LHX8: variants seen among roughly 807,000 people sequenced by gnomAD.
LHX8 encodes LIM/homeobox protein Lhx8.
A neutral mutation model predicts 40.3 loss-of-function variants in LHX8; 12 were observed. The ratio of observed to expected loss-of-function variants is 0.30; its 90% CI spans 0.19 to 0.48. LHX8 has a LOEUF of 0.48. LHX8 is among the 20% of genes least tolerant of loss of function. LHX8 has a pLI of 0.99. For missense variants in LHX8, 344 were observed against 433.7 expected (o/e 0.79, Z 1.84); for synonymous variants, 179 against 162.0 (o/e 1.10, Z -0.80).
chr1:75,173,362 A>G, the LHX8 span, among the ~76,000 whole-genome samples: 2 of 147,462 alleles, frequency 1.4e-5, no homozygotes, highest in Non-Finnish European at 3.0e-5. Flanking sequence ...GTTTAGCTTC[A>G]GGATATATAC....
chr1:75,142,979 G>C (rs1331554257), intron 4 of LHX8, 139 bp from the exon 5 acceptor site: 2 of 710,550 alleles, frequency 2.8e-6, no homozygotes, highest in Non-Finnish European at 4.8e-6. Flanking sequence ...AAAAATAATT[G>C]ATTCTTGTTT....
At chr1:75,176,270 T>G in the LHX8 span, among the ~76,000 whole-genome samples, 1 of 152,224 alleles carries the variant, frequency 6.6e-6, no homozygotes. Flanking sequence ...ATGGTTTAAC[T>G]AGTTTACACT....
chr1:75,136,735 G>A (rs1648150578), intron 2 of LHX8, 46 bp downstream of exon 2: 2 of 1,475,138 alleles, frequency 1.4e-6, no homozygotes, highest in Non-Finnish European at 1.8e-6. Context: ...GCCGTGGGGA[G>A]GCGGCGCAGG....
At chr1:75,181,512 G>A in the LHX8 span, among the ~76,000 whole-genome samples, 1 of 152,190 alleles carries the variant, frequency 6.6e-6, no homozygotes, top group East Asian at 1.9e-4. Flanking sequence ...GCCAGGCACG[G>A]GATACAATCT....
the LHX8 span, among the ~76,000 whole-genome samples, chr1:75,168,984 T>C: frequency 6.6e-6 from 1 of 152,200 alleles, no homozygotes; most frequent in Non-Finnish European, 1.5e-5. Context: ...CTAAAATATG[T>C]TCAAAAAGAT....
chr1:75,151,723 G>C (rs1339909140), intron 7 of LHX8, among the ~76,000 whole-genome samples: 1 of 152,208 alleles, frequency 6.6e-6, no homozygotes, highest in East Asian at 1.9e-4. Flanking sequence ...TTAAGACTCT[G>C]TATATTCATA....
the LHX8 span, among the ~76,000 whole-genome samples, chr1:75,198,569 C>T: frequency 4.0e-5 from 6 of 151,456 alleles, no homozygotes; most frequent in Non-Finnish European, 5.9e-5. Context: ...GACAGGGTGA[C>T]GTTGGAAAGC....
chr1:75,150,327 T>C (rs1018950980), intron 7 of LHX8, among the ~76,000 whole-genome samples: 1 of 152,136 alleles, frequency 6.6e-6, no homozygotes, highest in Non-Finnish European at 1.5e-5. Flanking sequence ...GAAAGCTGGA[T>C]TGGAAGTTGG....
intron 6 of LHX8, 71 bp downstream of exon 6, chr1:75,144,019 C>A: frequency 8.7e-7 from 1 of 1,154,314 alleles, no homozygotes. Flanking sequence ...AACCTCCATG[C>A]TGCCCAAAAA....
intron 7 of LHX8, among the ~76,000 whole-genome samples, chr1:75,150,570 C>A (rs1368493505): frequency 6.6e-6 from 1 of 151,656 alleles, no homozygotes; most frequent in Admixed American, 6.6e-5. Flanking sequence ...AGGAAGGAGT[C>A]GGGTGGAGAA....
At chr1:75,189,549 A>G in the LHX8 span, among the ~76,000 whole-genome samples, 2 of 152,222 alleles carry the variant, frequency 1.3e-5, no homozygotes, top group Non-Finnish European at 2.9e-5. Flanking sequence ...AGCATCATCT[A>G]TTAGCTAATG....
At chr1:75,142,505 T>A (rs977189630) in intron 4 of LHX8, among the ~76,000 whole-genome samples, 1 of 152,194 alleles carries the variant, frequency 6.6e-6, no homozygotes, top group Non-Finnish European at 1.5e-5. Context: ...TCCTTCCTTC[T>A]ATGGATAACA....
At chr1:75,139,358 A>C (rs1648247462) in intron 3 of LHX8, among the ~76,000 whole-genome samples, 1 of 152,186 alleles carries the variant, frequency 6.6e-6, no homozygotes, top group Non-Finnish European at 1.5e-5. Context: ...TTAGGAGGGA[A>C]GTGAACTTTG....
At chr1:75,176,959 G>T in the LHX8 span, among the ~76,000 whole-genome samples, 4 of 152,058 alleles carry the variant, frequency 2.6e-5, no homozygotes, top group Non-Finnish European at 4.4e-5. Context: ...GTTTTTGTCA[G>T]GTTTGTCAAA....
intron 7 of LHX8, among the ~76,000 whole-genome samples, chr1:75,150,835 C>A (rs997443379): frequency 1.3e-5 from 2 of 151,910 alleles, no homozygotes; most frequent in African/African-American, 4.8e-5. Context: ...AGCCACCATG[C>A]CTAGCTAATT....
the LHX8 span, among the ~76,000 whole-genome samples, chr1:75,194,467 A>T: frequency 6.6e-6 from 1 of 152,204 alleles, no homozygotes; most frequent in Non-Finnish European, 1.5e-5. Flanking sequence ...CACACTTATT[A>T]GGCAAACACC....
chr1:75,154,324 G>A (rs1274634866), intron 7 of LHX8, among the ~76,000 whole-genome samples: 1 of 151,430 alleles, frequency 6.6e-6, no homozygotes, highest in Non-Finnish European at 1.5e-5. Flanking sequence ...CCAAGAAGCT[G>A]CTTAACAAGA....
Position 75,143,915 on chromosome 1 carries a change from A to G in LHX8, c.651A>G (p.Arg217=), listed in dbSNP as rs1648390784. 4 of 1,613,406 alleles carry G rather than the reference A, an allele frequency of 2.5e-6. No individual in the cohort carries two copies. The South Asian group carries it at 4.4e-5, about 18-fold the overall frequency. The change falls in exon 6 of 9, where the codon AGA becomes AGG. Residue 217 remains arginine, a synonymous_variant. Transcript: ENST00000356261. ...QDVNHPKPAK[R]ARTSFTADQL... ...TTAACCATCCAAAACCAGCAAAAAG[A>G]GCTCGGACCAGCTTTACAGCAGATC...
chr1:75,190,152 A>C, the LHX8 span, among the ~76,000 whole-genome samples: 3 of 152,176 alleles, frequency 2.0e-5, no homozygotes, highest in Non-Finnish European at 4.4e-5. Flanking sequence ...AAATCTTTTT[A>C]GGGTAGGATT....
Sources: gnomAD v4.1 joint callset for allele counts (sites outside exome capture counted in the v4.1 genomes callset) on GRCh38, gnomAD v4.1.1 for gene constraint, MANE v1.5 for transcripts, NCBI Gene and HGNC (gene_info 2026-07-23, HGNC 2026-07-21) for gene names.